PCBP3: variants seen among roughly 807,000 people sequenced by gnomAD.
The protein encoded by PCBP3 is poly(rC) binding protein 3.
A neutral mutation model predicts 52.7 loss-of-function variants in PCBP3; 25 were observed. The observed-to-expected ratio is 0.47, with a 90% CI of 0.35 to 0.66. The LOEUF (loss-of-function observed/expected upper bound fraction) is 0.66, where lower values mean the gene tolerates loss of function less well. Ranked by LOEUF, PCBP3 falls within the 30% of genes least tolerant of loss-of-function variation. The pLI, the probability that PCBP3 is intolerant of heterozygous loss-of-function variation, is 0.01. For synonymous variants in PCBP3, 162 were observed against 183.0 expected (o/e 0.89, Z 0.93); for missense variants, 391 against 490.3 (o/e 0.80, Z 1.91).
chr21:45,673,255 C>T lies in PCBP3; in HGVS notation c.-200+4303C>T, dbSNP rs150016171. On this transcript the variant is annotated intron_variant, in intron 2 of 17. Transcript: ENST00000681687. The stretch of plus-strand genomic sequence containing the variant: ...ATTTGACCCATTTTCTACTTCCCTC[C>T]GCCTCTCCACTGTTTGGAAATGAAG... Among the ~76,000 whole-genome samples the T allele has an allele frequency of 6.7e-3, 1,021 of 152,280 alleles. 7 individuals are homozygous for T. The highest frequency in any genetic ancestry group is 0.011 in the Non-Finnish European group (755 of 68,026).
intron 4 of PCBP3, among the ~76,000 whole-genome samples, chr21:45,782,425 A>G (rs572711361): frequency 1.8e-4 from 28 of 152,174 alleles, no homozygotes; most frequent in Non-Finnish European, 3.8e-4. Context: ...GACATGCCTA[A>G]CAGAAGACTG....
At position 45,917,844 on chromosome 21, in the gene PCBP3, A is replaced by G. The variant is rs2073755175; in HGVS notation, c.717+215A>G. The stretch of plus-strand genomic sequence containing the variant: ...GTGTTGAGGACTTGGCCTGATGTCA[A>G]ATTGTCTCAATTCTGCCGCAGTCCT... On this transcript the variant is annotated intron_variant, in intron 13 of 17. Coordinates refer to ENST00000681687, the MANE Select transcript of PCBP3 (RefSeq NM_001384156.1). The surrounding 1 kb of genome is among the most constrained non-coding windows in gnomAD (Gnocchi z 5.3). 1 of 590,022 alleles carries G rather than the reference A, an allele frequency of 1.7e-6. No individual in the cohort carries two copies. Among genetic ancestry groups the G allele is most frequent in the South Asian group, 1.8e-5 (1 of 55,380 alleles). The allele number at this position is 590,022 out of a possible 1,614,324, so 36.5% of individuals were successfully genotyped here. A position where few individuals can be genotyped will look rare whatever the true frequency, so the allele number is the denominator to read the frequency against.
intron 2 of PCBP3, among the ~76,000 whole-genome samples, chr21:45,686,586 AG>A (rs1357341429): frequency 6.6e-6 from 1 of 152,244 alleles, no homozygotes; most frequent in African/African-American, 2.4e-5. Flanking sequence ...AGCAGTCAAT[AG>A]GAACAGACCC....
At chr21:45,862,568 A>AT (rs996557951) in intron 5 of PCBP3, among the ~76,000 whole-genome samples, 2 of 151,862 alleles carry the variant, frequency 1.3e-5, no homozygotes, top group African/African-American at 4.8e-5. Flanking sequence ...CACATATTCT[A>AT]TTTTTTTCTG....
At chr21:45,824,404 T>G (rs952391995) in intron 4 of PCBP3, among the ~76,000 whole-genome samples, 1 of 152,204 alleles carries the variant, frequency 6.6e-6, no homozygotes, top group African/African-American at 2.4e-5. Context: ...GTCAGAAAGG[T>G]TGGCTTTAGA....
At chr21:45,695,255 G>A (rs556460093) in intron 2 of PCBP3, among the ~76,000 whole-genome samples, 1 of 152,330 alleles carries the variant, frequency 6.6e-6, no homozygotes, top group South Asian at 2.1e-4. Flanking sequence ...TCCTTGACCA[G>A]TTGGCATAGT....
At chr21:45,682,668 A>C (rs545667465) in intron 2 of PCBP3, among the ~76,000 whole-genome samples, 2 of 152,192 alleles carry the variant, frequency 1.3e-5, no homozygotes, top group Admixed American at 1.3e-4. Context: ...AAAGAGTCCC[A>C]GGGTTTTAGA....
chr21:45,838,291 C>T (rs1212165010), intron 4 of PCBP3, among the ~76,000 whole-genome samples: 2 of 152,188 alleles, frequency 1.3e-5, no homozygotes, highest in African/African-American at 4.8e-5. Context: ...CCACATCAGT[C>T]TTGGATGGCT....
chr21:45,818,452 T>G (rs2093032259), intron 4 of PCBP3, among the ~76,000 whole-genome samples: 2 of 152,320 alleles, frequency 1.3e-5, no homozygotes, highest in South Asian at 4.1e-4. Context: ...ACTGCCCCCA[T>G]GCGCTTCACG....
At chr21:45,804,114 G>C (rs1025771013) in intron 4 of PCBP3, among the ~76,000 whole-genome samples, 2 of 152,160 alleles carry the variant, frequency 1.3e-5, no homozygotes, top group African/African-American at 4.8e-5. Context: ...ACTGCCTGCT[G>C]CCGCGCCTCC....
intron 9 of PCBP3, among the ~76,000 whole-genome samples, chr21:45,902,904 G>C (rs2096100553): frequency 1.3e-5 from 2 of 152,270 alleles, no homozygotes; most frequent in South Asian, 4.1e-4. Context: ...TTGGCGATGG[G>C]TTTCTGACCG....
At chr21:45,719,029 A>G (rs1181706200) in intron 2 of PCBP3, among the ~76,000 whole-genome samples, 2 of 152,198 alleles carry the variant, frequency 1.3e-5, no homozygotes, top group Admixed American at 6.5e-5. Context: ...AAGCAGGGCC[A>G]AGCAGCAAAT....
chr21:45,909,461 G>C lies in PCBP3; in HGVS notation c.446G>C (p.Gly149Ala). Residue 149 changes from glycine (G) to alanine (A), a missense_variant, in exon 10 of 18, where the codon GGC becomes GCC. Coordinates refer to ENST00000681687, the MANE Select transcript of PCBP3 (RefSeq NM_001384156.1). ...TGTGGGTCCCTGATCGGCAAAGGAG[G>C]CTCCAAGATCAAGGAGATCAGGGAG... ...SQCGSLIGKGGSKIKEIREST... is the reference protein window; with the variant it reads ...SQCGSLIGKGASKIKEIREST... 1 of 1,613,236 alleles carries C rather than the reference G, an allele frequency of 6.2e-7. No individual in the cohort carries two copies. Among genetic ancestry groups the C allele is most frequent in the Non-Finnish European group, 8.5e-7 (1 of 1,179,700 alleles).
chr21:45,771,883 G>T (rs919135637), intron 4 of PCBP3, among the ~76,000 whole-genome samples: 2 of 152,152 alleles, frequency 1.3e-5, no homozygotes, highest in African/African-American at 2.4e-5. Context: ...CTGAACTAAT[G>T]AGTAAGTTTA....
chr21:45,842,170 T>G (rs1220088825), intron 4 of PCBP3, among the ~76,000 whole-genome samples: 1 of 152,240 alleles, frequency 6.6e-6, no homozygotes, highest in Non-Finnish European at 1.5e-5. Flanking sequence ...CCCTTCAGTA[T>G]GGCTTAAATT....
chr21:45,801,533 C>T (rs1019334560), intron 4 of PCBP3, among the ~76,000 whole-genome samples: 1 of 152,242 alleles, frequency 6.6e-6, no homozygotes, highest in Non-Finnish European at 1.5e-5. Context: ...GGCCACCATG[C>T]CATGCCCACA....
At chr21:45,766,375 G>A (rs2089321635) in intron 4 of PCBP3, among the ~76,000 whole-genome samples, 5 of 152,236 alleles carry the variant, frequency 3.3e-5, no homozygotes, top group African/African-American at 9.6e-5. Flanking sequence ...AGGTCATAAG[G>A]GTGGGCCCGA....
chr21:45,742,769 C>G (rs2086548190), intron 3 of PCBP3, among the ~76,000 whole-genome samples: 1 of 152,092 alleles, frequency 6.6e-6, no homozygotes, highest in African/African-American at 2.4e-5. Context: ...ATTTTAGTGT[C>G]TGTTTCTGAA....
At position 45,910,345 on chromosome 21, in the gene PCBP3, G is replaced by A. The variant is rs532202062; in HGVS notation, c.472-557G>A. Reference sequence around the variant, plus strand: ...GGTCACATGGTTCTGGGCAAGGGAGGCCCTGGGCACTGGGTGCTGTATCTA... The same window carrying A: ...GGTCACATGGTTCTGGGCAAGGGAGACCCTGGGCACTGGGTGCTGTATCTA... On this transcript the variant is annotated intron_variant, in intron 10 of 17. Coordinates refer to ENST00000681687, the MANE Select transcript of PCBP3 (RefSeq NM_001384156.1). Among the ~76,000 whole-genome samples, 3 of 151,832 alleles carry A rather than the reference G, an allele frequency of 2.0e-5. No individual in the cohort carries two copies. In the East Asian group the frequency reaches 5.9e-4, roughly 30 times the overall value.
Sources: allele counts gnomAD v4.1 joint callset (sites outside exome capture counted in the v4.1 genomes callset), GRCh38; gene constraint gnomAD v4.1.1; non-coding constraint Gnocchi (gnomAD v3.1); transcripts MANE v1.5; gene names NCBI Gene and HGNC (gene_info 2026-07-23, HGNC 2026-07-21).